The following ADCY1 variants were observed in gnomAD, a reference collection of about 807,000 sequenced individuals.
ADCY1 encodes adenylate cyclase 1, also known as adenylate cyclase type 1.
Under a neutral mutation model 105.4 loss-of-function variants are expected in ADCY1, and 28 were observed. The observed-to-expected ratio is 0.27, with a 90% CI of 0.20 to 0.36. ADCY1 has a LOEUF of 0.36. Among genes scored for constraint, ADCY1 ranks in the 10% least tolerant of loss-of-function variants. ADCY1 has a pLI of 1.00. For missense variants in ADCY1, 977 were observed against 1,434.2 expected (o/e 0.68, Z 5.15); for synonymous variants, 655 against 623.8 (o/e 1.05, Z -0.75).
intron 4 of ADCY1, among the ~76,000 whole-genome samples, chr7:45,643,583 A>C (rs986530902): frequency 1.3e-5 from 2 of 152,178 alleles, no homozygotes; most frequent in Non-Finnish European, 2.9e-5. Flanking sequence ...CTCTGTGGTC[A>C]TGCTGGTAAC....
chr7:45,679,656 C>A, intron 10 of ADCY1, 53 bp from the exon 11 acceptor site: 1 of 1,586,946 alleles, frequency 6.3e-7, no homozygotes, highest in Non-Finnish European at 8.7e-7. Flanking sequence ...TCTCTTGGGT[C>A]CGCCTCTCCT....
chr7:45,667,113 G>A (rs1189432093), intron 8 of ADCY1, among the ~76,000 whole-genome samples: 1 of 152,160 alleles, frequency 6.6e-6, no homozygotes, highest in African/African-American at 2.4e-5. Flanking sequence ...CTTTTGCTGT[G>A]CAGAAGCTCT....
chr7:45,659,947 G>A (rs951961840), intron 6 of ADCY1, 95 bp from the exon 7 acceptor site: 3 of 1,491,764 alleles, frequency 2.0e-6, no homozygotes, highest in African/African-American at 1.4e-5. Context: ...GTGTGGGGAA[G>A]CCTCTGTCTG....
rs574434500 is a variant in ADCY1 at position 45,711,663 on chromosome 7, A to T, written c.3057+1011A>T. On this transcript the variant is annotated intron_variant, in intron 19 of 19. Transcript: ENST00000297323. The stretch of plus-strand genomic sequence containing the variant: ...TATATATACACACACACACGTATGT[A>T]TACACATATACACATATATACACAC... Among the ~76,000 whole-genome samples, 3 of 141,142 alleles carry T rather than the reference A, an allele frequency of 2.1e-5. No individual in the cohort carries two copies. The East Asian group carries it at 6.1e-4, about 28-fold the overall frequency. 92.6% of individuals were successfully genotyped at this position (141,142 alleles called of 152,430 possible).
chr7:45,681,044 C>G (rs762007742), intron 11 of ADCY1, among the ~76,000 whole-genome samples: 2 of 152,264 alleles, frequency 1.3e-5, no homozygotes, highest in Non-Finnish European at 2.9e-5. Flanking sequence ...GGGTCAGCCC[C>G]TTTCCCACAT....
At chr7:45,629,268 C>T (rs1234182247) in intron 4 of ADCY1, among the ~76,000 whole-genome samples, 2 of 152,170 alleles carry the variant, frequency 1.3e-5, no homozygotes, top group East Asian at 1.9e-4. Context: ...ATTCAACCAA[C>T]TTGTTGCATG....
intron 5 of ADCY1, among the ~76,000 whole-genome samples, chr7:45,656,360 T>G (rs1437632856): frequency 3.3e-5 from 5 of 152,138 alleles, no homozygotes; most frequent in Admixed American, 6.5e-5. Flanking sequence ...TAAAGATATA[T>G]CAGTAGTCTA....
intron 2 of ADCY1, among the ~76,000 whole-genome samples, chr7:45,599,261 C>T (rs1045472770): frequency 3.3e-5 from 5 of 151,984 alleles, no homozygotes; most frequent in African/African-American, 1.2e-4. Context: ...TTCTGAGGAC[C>T]GTCAAAAGTG....
chr7:45,702,152 T>C (rs1785010913), intron 14 of ADCY1, among the ~76,000 whole-genome samples: 1 of 152,240 alleles, frequency 6.6e-6, no homozygotes, highest in Non-Finnish European at 1.5e-5. Context: ...GGAATCACTG[T>C]GTGCAGTCTA....
chr7:45,581,430 G>A (rs902085888), intron 1 of ADCY1, among the ~76,000 whole-genome samples: 2 of 152,230 alleles, frequency 1.3e-5, no homozygotes, highest in African/African-American at 4.8e-5. Flanking sequence ...GGCAGGCATA[G>A]TCTGTTTAGC....
intron 14 of ADCY1, among the ~76,000 whole-genome samples, chr7:45,694,133 A>C (rs893963873): frequency 1.4e-4 from 21 of 146,326 alleles, no homozygotes; most frequent in South Asian, 8.5e-4. Context: ...AAAAAAAAAA[A>C]AAAACACTGT....
chr7:45,677,841 T>A, intron 8 of ADCY1, 28 bp from the exon 9 acceptor site: 1 of 1,601,122 alleles, frequency 6.2e-7, no homozygotes, highest in Non-Finnish European at 8.5e-7. Flanking sequence ...AATTTGATGA[T>A]ACTCCTTTAT....
intron 14 of ADCY1, among the ~76,000 whole-genome samples, chr7:45,692,317 T>G (rs1784799236): frequency 1.3e-5 from 2 of 152,206 alleles, no homozygotes; most frequent in Non-Finnish European, 2.9e-5. Flanking sequence ...GGCACCAAAG[T>G]ATACCTAATC....
intron 2 of ADCY1, among the ~76,000 whole-genome samples, chr7:45,607,558 A>G (rs537059771): frequency 2.0e-5 from 3 of 152,342 alleles, no homozygotes; most frequent in Admixed American, 1.3e-4. Flanking sequence ...GTACTAAAGC[A>G]TAGTACCCAG....
At chr7:45,616,679 A>G (rs1411034186) in intron 3 of ADCY1, among the ~76,000 whole-genome samples, 2 of 152,210 alleles carry the variant, frequency 1.3e-5, no homozygotes, top group Non-Finnish European at 2.9e-5. Context: ...AATAAAAGCT[A>G]TGTATATGAC....
intron 4 of ADCY1, among the ~76,000 whole-genome samples, chr7:45,641,618 AC>A (rs1311786822): frequency 4.6e-5 from 7 of 152,044 alleles, no homozygotes; most frequent in Non-Finnish European, 1.0e-4. Context: ...GGCTCGGTTC[AC>A]CCTTGTGTCT....
chr7:45,657,660 G>C lies in ADCY1; in HGVS notation c.1149-67G>C, dbSNP rs1584309686. The C allele has an allele frequency of 2.6e-6, 4 of 1,529,060 alleles. No homozygotes were observed. The East Asian group carries it at 7.2e-5, about 28-fold the overall frequency. 94.7% of individuals were successfully genotyped at this position (1,529,060 alleles called of 1,614,324 possible). On this transcript the variant is annotated intron_variant, in intron 5 of 19. Transcript: ENST00000297323. ...CTGGTGCTCACAGCCTAGCAGTGCAGACCAAGGTGGCCCCCTGGGAGGATA... is the reference window on the plus strand; with the variant it reads ...CTGGTGCTCACAGCCTAGCAGTGCACACCAAGGTGGCCCCCTGGGAGGATA...
chr7:45,670,591 C>A (rs1317294765), intron 8 of ADCY1, among the ~76,000 whole-genome samples: 1 of 152,162 alleles, frequency 6.6e-6, no homozygotes, highest in African/African-American at 2.4e-5. Flanking sequence ...GTCCATCATT[C>A]CGTGACCTGA....
At chr7:45,628,403 T>C (rs762612603) in intron 4 of ADCY1, among the ~76,000 whole-genome samples, 8 of 152,162 alleles carry the variant, frequency 5.3e-5, no homozygotes, top group Non-Finnish European at 8.8e-5. Flanking sequence ...CTGCACAGTT[T>C]GTAATGGACA....
Sources: gnomAD v4.1 joint callset for allele counts (sites outside exome capture counted in the v4.1 genomes callset) on GRCh38, gnomAD v4.1.1 for gene constraint, MANE v1.5 for transcripts, NCBI Gene and HGNC (gene_info 2026-07-23, HGNC 2026-07-21) for gene names.